Variants in ZC3H12B observed in about 807,000 individuals in gnomAD.
ZC3H12B encodes probable ribonuclease ZC3H12B.
Under a neutral mutation model 43.9 loss-of-function variants are expected in ZC3H12B, and 7 were observed. That is an observed-to-expected ratio of 0.16 (90% CI 0.09 to 0.30). The LOEUF is 0.30. Ranked by LOEUF, ZC3H12B falls within the 10% of genes least tolerant of loss-of-function variation. The pLI is 1.00. For synonymous variants in ZC3H12B, 222 were observed against 241.7 expected, an observed-to-expected ratio of 0.92 and a Z score of 0.76; for missense variants, 475 against 670.2, an observed-to-expected ratio of 0.71 and a Z score of 3.22.
At chrX:65,254,132 G>C in the ZC3H12B span, among the ~76,000 whole-genome samples, 1 of 111,917 alleles carries the variant, frequency 8.9e-6, no homozygotes, top group African/African-American at 3.2e-5. Flanking sequence ...GTGCTTGCCA[G>C]CACTCCACCC....
chrX:65,241,697 C>T, the ZC3H12B span, among the ~76,000 whole-genome samples: 1 of 112,648 alleles, frequency 8.9e-6, no homozygotes, highest in East Asian at 2.8e-4. Context: ...AACCTAACCA[C>T]AGGAATGGCA....
chrX:65,452,378 T>C (rs576074102), intron 3 of ZC3H12B, among the ~76,000 whole-genome samples: 3 of 109,758 alleles, frequency 2.7e-5, no homozygotes, highest in East Asian at 5.7e-4. Context: ...AGCTATGCTA[T>C]ACATCATCAG....
chrX:65,223,630 C>T, the ZC3H12B span, among the ~76,000 whole-genome samples: 1 of 112,161 alleles, frequency 8.9e-6, no homozygotes, highest in African/African-American at 3.2e-5. Context: ...AAGAAGTAAA[C>T]AAACAATACT....
chrX:65,287,713 C>A, the ZC3H12B span, among the ~76,000 whole-genome samples: 1 of 110,571 alleles, frequency 9.0e-6, no homozygotes, highest in Admixed American at 9.7e-5. Context: ...TTAAAAACTG[C>A]AAAAAAATGC....
chrX:65,043,114 A>G, the ZC3H12B span, among the ~76,000 whole-genome samples: 2 of 111,410 alleles, frequency 1.8e-5, no homozygotes, highest in Non-Finnish European at 3.8e-5. Flanking sequence ...CTGATTATCC[A>G]TGGCTAGAGG....
the ZC3H12B span, among the ~76,000 whole-genome samples, chrX:65,347,440 G>C: frequency 5.4e-5 from 6 of 111,764 alleles, no homozygotes; most frequent in Non-Finnish European, 9.4e-5. Context: ...TGAACAGACA[G>C]TTCTCAAAAG....
the ZC3H12B span, among the ~76,000 whole-genome samples, chrX:65,147,760 G>T: frequency 3.5e-4 from 39 of 111,101 alleles, no homozygotes; most frequent in Admixed American, 3.2e-3. Flanking sequence ...ACTGGAGTCT[G>T]GGGCCATGGA....
At chrX:65,412,974 C>A (rs1229562021) in intron 3 of ZC3H12B, among the ~76,000 whole-genome samples, 1 of 110,792 alleles carries the variant, frequency 9.0e-6, no homozygotes, top group Non-Finnish European at 1.9e-5. Flanking sequence ...ATTATTTTCT[C>A]GGTTTTTTTT....
the ZC3H12B span, among the ~76,000 whole-genome samples, chrX:65,258,596 G>T: frequency 9.0e-6 from 1 of 111,478 alleles, no homozygotes; most frequent in African/African-American, 3.3e-5. Context: ...AGAAATAAAG[G>T]CTCTTAAATA....
the ZC3H12B span, among the ~76,000 whole-genome samples, chrX:65,204,069 G>A: frequency 2.7e-5 from 3 of 112,533 alleles, no homozygotes; most frequent in Admixed American, 9.4e-5. Flanking sequence ...TCCCTCAAAT[G>A]CACATTCTCT....
At chrX:65,412,504 G>A (rs938596154) in intron 3 of ZC3H12B, among the ~76,000 whole-genome samples, 2 of 111,522 alleles carry the variant, frequency 1.8e-5, no homozygotes, top group Admixed American at 1.9e-4. Context: ...CACTCGCCCT[G>A]TTCCCCAGGC....
intron 2 of ZC3H12B, among the ~76,000 whole-genome samples, chrX:65,395,589 G>T (rs1026512295): frequency 3.6e-5 from 4 of 112,082 alleles, no homozygotes; most frequent in Admixed American, 9.5e-5. Context: ...TGGTTTGCCA[G>T]AATTTTATTG....
chrX:65,403,827 A>T (rs750190271), intron 3 of ZC3H12B, among the ~76,000 whole-genome samples: 6 of 111,907 alleles, frequency 5.4e-5, no homozygotes, highest in Admixed American at 9.5e-5. Flanking sequence ...TGTTTAAGGG[A>T]GTACATCAAT....
chrX:65,111,289 A>G, the ZC3H12B span, among the ~76,000 whole-genome samples: 1 of 111,620 alleles, frequency 9.0e-6, no homozygotes, highest in African/African-American at 3.2e-5. Context: ...AAGAGCATAC[A>G]TCCTTGCCTT....
intron 3 of ZC3H12B, among the ~76,000 whole-genome samples, chrX:65,416,520 G>A (rs1026884793): frequency 2.7e-5 from 3 of 110,287 alleles, no homozygotes; most frequent in African/African-American, 9.9e-5. Flanking sequence ...GGTGGCTCAC[G>A]CCTGTAATCC....
the ZC3H12B span, among the ~76,000 whole-genome samples, chrX:65,268,496 G>A: frequency 5.7e-3 from 634 of 111,933 alleles, 3 homozygotes; most frequent in Admixed American, 8.9e-3. Flanking sequence ...AATGAACATT[G>A]ATGCAAAAAT....
chrX:65,166,497 A>G, the ZC3H12B span, among the ~76,000 whole-genome samples: 2 of 112,172 alleles, frequency 1.8e-5, no homozygotes, highest in Non-Finnish European at 3.8e-5. Context: ...TAGTGCTGCA[A>G]TAAACATTCG....
chrX:65,093,244 G>A, the ZC3H12B span, among the ~76,000 whole-genome samples: 1 of 112,194 alleles, frequency 8.9e-6, no homozygotes, highest in East Asian at 2.8e-4. Flanking sequence ...ATGTCTAGGT[G>A]GAAGCCTGAT....
chrX:65,040,303 C>A, the ZC3H12B span, among the ~76,000 whole-genome samples: 1 of 108,910 alleles, frequency 9.2e-6, no homozygotes. Flanking sequence ...TGAGTTTAAT[C>A]TTTAAATGTG....
Sources: allele counts gnomAD v4.1 joint callset (sites outside exome capture counted in the v4.1 genomes callset), GRCh38; gene constraint gnomAD v4.1.1; transcripts MANE v1.5; gene names NCBI Gene and HGNC (gene_info 2026-07-23, HGNC 2026-07-21).